GLB1L3: variants seen among roughly 807,000 people sequenced by gnomAD.
GLB1L3 encodes the protein galactosidase beta 1 like 3.
Under a neutral mutation model 89.5 loss-of-function variants are expected in GLB1L3, and 89 were observed. The observed-to-expected ratio is 0.99, with a 90% CI of 0.84 to 1.19. GLB1L3 has a LOEUF of 1.19. Ranked by LOEUF, GLB1L3 falls within the 50% of genes most tolerant of loss-of-function variation. The probability of loss-of-function intolerance (pLI) is 0.00; values close to 1 mark genes in which losing one functional copy is unlikely to be tolerated. For synonymous variants in GLB1L3, 314 were observed against 312.3 expected, an observed-to-expected ratio of 1.01 and a Z score of -0.06; for missense variants, 812 against 813.3, an observed-to-expected ratio of 1.00 and a Z score of 0.02.
intron 9 of GLB1L3, among the ~76,000 whole-genome samples, chr11:134,302,025 C>T (rs1328967656): frequency 1.3e-5 from 2 of 152,158 alleles, no homozygotes; most frequent in East Asian, 1.9e-4. Context: ...TTAATCATTA[C>T]GTTGTTGAAG....
At chr11:134,295,932 C>T (rs1432867398) in intron 9 of GLB1L3, among the ~76,000 whole-genome samples, 1 of 152,092 alleles carries the variant, frequency 6.6e-6, no homozygotes, top group East Asian at 1.9e-4. Context: ...AGCTAGTATT[C>T]TGTGATTGAT....
chr11:134,320,847 A>G (rs1943157562), downstream of GLB1L3, among the ~76,000 whole-genome samples: 1 of 152,202 alleles, frequency 6.6e-6, no homozygotes, highest in Non-Finnish European at 1.5e-5. Context: ...TCAATGTCCC[A>G]TAAGAGAATT....
intron 9 of GLB1L3, among the ~76,000 whole-genome samples, chr11:134,306,877 C>T (rs1032612838): frequency 2.0e-5 from 3 of 152,202 alleles, no homozygotes; most frequent in Admixed American, 6.5e-5. Context: ...GCTGATGGTG[C>T]TTTCCGGGTA....
intron 18 of GLB1L3, 95 bp downstream of exon 18, chr11:134,314,536 C>A (rs955673885): frequency 9.4e-5 from 73 of 779,074 alleles, no homozygotes; most frequent in Admixed American, 3.1e-4. Context: ...GGAATACTTC[C>A]CTTTCTTCTT....
At chr11:134,283,899 T>C (rs1298367897) in intron 6 of GLB1L3, 54 bp downstream of exon 6, 54 of 1,033,924 alleles carry the variant, frequency 5.2e-5, no homozygotes, top group East Asian at 7.5e-5. Context: ...GGGAAAGAGT[T>C]TGTTCTGGCT....
intron 14 of GLB1L3, 69 bp downstream of exon 14, chr11:134,312,558 T>G: frequency 6.4e-7 from 1 of 1,564,404 alleles, no homozygotes; most frequent in South Asian, 1.1e-5. Flanking sequence ...GGCAGGGTAG[T>G]TGACTGAAGG....
Position 134,313,869 on chromosome 11 carries a change from T to C in GLB1L3, c.1580-72T>C. On this transcript the variant is annotated intron_variant, in intron 16 of 19. Coordinates refer to ENST00000431683, the MANE Select transcript of GLB1L3 (RefSeq NM_001080407.3). ...TAAGGCATGTACAAGTCTGCATTGC[T>C]TTGTCCCAGATGCTAGAGAATATCC... The C allele has an allele frequency of 5.1e-6, 5 of 990,040 alleles. No homozygotes were observed. The South Asian group carries it at 6.8e-5, about 13-fold the overall frequency. 61.3% of individuals were successfully genotyped at this position (990,040 alleles called of 1,614,324 possible).
At chr11:134,289,026 AG>A (rs757316801) in intron 7 of GLB1L3, 136 bp downstream of exon 7, 408 of 623,216 alleles carry the variant, frequency 6.5e-4, no homozygotes, top group Non-Finnish European at 9.2e-4. Flanking sequence ...CGAGGTGCGG[AG>A]GGGTGCCGGC....
intron 9 of GLB1L3, among the ~76,000 whole-genome samples, chr11:134,297,947 A>C (rs1402523001): frequency 2.0e-5 from 3 of 151,510 alleles, no homozygotes; most frequent in African/African-American, 7.3e-5. Flanking sequence ...AATCATACTG[A>C]AGTGTAGGTA....
At position 134,282,082 on chromosome 11, in the gene GLB1L3, C is replaced by T. The variant is rs778110002; in HGVS notation, c.489C>T (p.Arg163=). 3.9e-6 allele frequency: 6 copies of T among 1,558,164 alleles called. No individual in the cohort carries two copies. The East Asian group carries it at 6.9e-5, about 18-fold the overall frequency. ...TGTGGGTGATTCTGCGTCCAGGCCG[C>T]TACATCTGCAGTGAGATGGACCTCG... The part of the protein sequence containing the change: ...IGLWVILRPG[R]YICSEMDLGG... Residue 163 remains arginine, a synonymous_variant, in exon 5 of 20, where the codon CGC becomes CGT. Transcript: ENST00000431683.
At chr11:134,320,996 G>C (rs978718072), downstream of GLB1L3, among the ~76,000 whole-genome samples, 1 of 152,170 alleles carries the variant, frequency 6.6e-6, no homozygotes, top group Non-Finnish European at 1.5e-5. Context: ...CAGTTGAGAA[G>C]AAATTTCTAA....
chr11:134,292,214 G>A lies in GLB1L3; in HGVS notation c.811+1G>A, dbSNP rs780802672. 5.6e-6 allele frequency: 9 copies of A among 1,609,310 alleles called. No individual in the cohort carries two copies. Among genetic ancestry groups the A allele is most frequent in the Middle Eastern group, 1.6e-4 (1 of 6,064 alleles). Reference sequence around the variant, plus strand: ...GTGCTGAGTGGCCACACCAAAGGAGGTACACATTTAGAGTTAGTTCACAGG... The same window carrying A: ...GTGCTGAGTGGCCACACCAAAGGAGATACACATTTAGAGTTAGTTCACAGG... On this transcript the variant is annotated splice_donor_variant, in intron 8 of 19. Coordinates refer to ENST00000431683, the MANE Select transcript of GLB1L3 (RefSeq NM_001080407.3). LOFTEE classifies it high-confidence loss of function.
At position 134,292,135 on chromosome 11, in the gene GLB1L3, CT is replaced by C; in HGVS notation, c.734del (p.Leu245ArgfsTer2). On this transcript the variant is annotated frameshift_variant, in exon 8 of 20. Transcript: ENST00000431683. LOFTEE classifies it high-confidence loss of function. ...KTYMPYLHKA[L>X]LRRGIVELLL... ...TTTTGGTTAATTTTCTCAACAGGCC[CT>C]GCTGAGAAGAGGGATTGTGGAGCTT... is the stretch of plus-strand genomic sequence containing the variant. The C allele has an allele frequency of 6.2e-7, 1 of 1,613,308 alleles. No individual in the cohort carries two copies. The highest frequency in any genetic ancestry group is 8.5e-7 in the Non-Finnish European group (1 of 1,179,402).
intron 5 of GLB1L3, 96 bp downstream of exon 5, chr11:134,282,216 T>C: frequency 1.1e-5 from 15 of 1,391,092 alleles, no homozygotes; most frequent in Non-Finnish European, 1.4e-5. Context: ...GTAACCTTTA[T>C]TCACGGAGCC....
rs1412982567 is a variant in GLB1L3, at chr11:134,293,311, G to T, written c.876+102G>T. The T allele has an allele frequency of 4.0e-6, 4 of 997,938 alleles. No homozygotes were observed. The Admixed American group carries it at 6.8e-5, about 17-fold the overall frequency. The allele number at this position is 997,938 out of a possible 1,614,324, so 61.8% of individuals were successfully genotyped here. A position where few individuals can be genotyped will look rare whatever the true frequency, so the allele number is the denominator to read the frequency against. ...TGAAAACAGGTTTGACAAGAAGACC[G>T]CAGGTTTTCACCCTGGGTCCTCGGC... On this transcript the variant is annotated intron_variant, in intron 9 of 19. Coordinates refer to ENST00000431683, the MANE Select transcript of GLB1L3 (RefSeq NM_001080407.3).
intron 6 of GLB1L3, among the ~76,000 whole-genome samples, chr11:134,284,832 A>T (rs1255211174): frequency 3.3e-5 from 5 of 150,664 alleles, no homozygotes; most frequent in African/African-American, 1.2e-4. Context: ...TGCACCCCCC[A>T]TTCCGTGTCT....
chr11:134,298,080 C>A (rs1406454927), intron 9 of GLB1L3, among the ~76,000 whole-genome samples: 4 of 146,444 alleles, frequency 2.7e-5, no homozygotes, highest in African/African-American at 1.0e-4. Context: ...TTTTTTTTGT[C>A]TTTTATCCTC....
chr11:134,306,719 C>G (rs1259599384), intron 9 of GLB1L3, among the ~76,000 whole-genome samples: 1 of 152,246 alleles, frequency 6.6e-6, no homozygotes, highest in Non-Finnish European at 1.5e-5. Flanking sequence ...TTCAGCAGCA[C>G]TGAAAATGCT....
chr11:134,294,868 G>A (rs1328495078), intron 9 of GLB1L3, among the ~76,000 whole-genome samples: 2 of 152,144 alleles, frequency 1.3e-5, no homozygotes, highest in Non-Finnish European at 1.5e-5. Flanking sequence ...TGTCACGTAC[G>A]TAAAGTCATA....
Sources: allele counts gnomAD v4.1 joint callset (sites outside exome capture counted in the v4.1 genomes callset), GRCh38; gene constraint gnomAD v4.1.1; transcripts MANE v1.5; gene names NCBI Gene and HGNC (gene_info 2026-07-23, HGNC 2026-07-21).